PVT1: variants seen among roughly 807,000 people sequenced by gnomAD.
PVT1 encodes the protein CXCR4/PVT1 fusion.
chr8:128,089,088 T>C (rs1814314786), intron 5 of PVT1, among the ~76,000 whole-genome samples: 1 of 152,206 alleles, frequency 6.6e-6, no homozygotes, highest in Non-Finnish European at 1.5e-5. Context: ...AATTTACCCA[T>C]GGAAATGAGA....
intron 2 of PVT1, among the ~76,000 whole-genome samples, chr8:127,864,201 G>A (rs1377020389): frequency 1.3e-5 from 2 of 152,132 alleles, no homozygotes; most frequent in Non-Finnish European, 2.9e-5. Context: ...GGGTGAAGGG[G>A]TCAGGTCAAT....
At chr8:127,803,639 A>T (rs1397033983) in intron 2 of PVT1, 2 of 152,168 alleles carry the variant, frequency 1.3e-5, no homozygotes, top group Admixed American at 6.5e-5. Context: ...CTGTAATCCC[A>T]TCACTTTGGG....
At chr8:128,004,309 C>T (rs1268518978) in intron 4 of PVT1, among the ~76,000 whole-genome samples, 1 of 152,126 alleles carries the variant, frequency 6.6e-6, no homozygotes, top group East Asian at 1.9e-4. Context: ...AGTTTGTATA[C>T]AGTAGGTAAT....
At chr8:127,940,597 G>GGT (rs1816336854) in intron 3 of PVT1, 2 of 151,356 alleles carry the variant, frequency 1.3e-5, no homozygotes, top group African/African-American at 4.9e-5. Context: ...TTTTTGTGGG[G>GGT]GGGGGCGGTG....
chr8:127,949,499 G>A (rs113645013), intron 3 of PVT1, among the ~76,000 whole-genome samples: 3 of 150,016 alleles, frequency 2.0e-5, no homozygotes, highest in African/African-American at 7.4e-5. Context: ...AGGGAGCTCA[G>A]CCTCCCTTCA....
intron 3 of PVT1, among the ~76,000 whole-genome samples, chr8:127,965,609 C>T (rs1332476954): frequency 6.6e-6 from 1 of 152,210 alleles, no homozygotes; most frequent in Non-Finnish European, 1.5e-5. Context: ...CTTCCTTGTT[C>T]TCTCCACTCT....
chr8:127,989,488 T>A (rs1326007621), intron 4 of PVT1, among the ~76,000 whole-genome samples: 1 of 152,128 alleles, frequency 6.6e-6, no homozygotes, highest in East Asian at 1.9e-4. Flanking sequence ...TTATTCATTG[T>A]GCCTAGGAAG....
chr8:127,811,691 CTTTTCCT>C (rs1424065183), intron 2 of PVT1, among the ~76,000 whole-genome samples: 1 of 152,188 alleles, frequency 6.6e-6, no homozygotes, highest in East Asian at 1.9e-4. Flanking sequence ...TTCTTCTGTT[CTTTTCCT>C]TTTTCCTTTC....
chr8:128,083,574 C>G (rs1022787672), intron 5 of PVT1, among the ~76,000 whole-genome samples: 7 of 152,230 alleles, frequency 4.6e-5, no homozygotes, highest in African/African-American at 1.7e-4. Context: ...GCTGAAATAC[C>G]CAAACTTGCC....
intron 3 of PVT1, among the ~76,000 whole-genome samples, chr8:127,893,755 A>G (rs1221488270): frequency 6.6e-6 from 1 of 152,234 alleles, no homozygotes; most frequent in Non-Finnish European, 1.5e-5. Flanking sequence ...ACATTCATTC[A>G]TAGAGAAGCT....
chr8:127,989,416 T>C (rs1418388546), intron 4 of PVT1: 1 of 152,140 alleles, frequency 6.6e-6, no homozygotes, highest in African/African-American at 2.4e-5. Context: ...GCCGCTCCAA[T>C]GTGTTCGGGA....
chr8:127,992,971 G>T (rs1817060697), intron 4 of PVT1, among the ~76,000 whole-genome samples: 1 of 152,136 alleles, frequency 6.6e-6, no homozygotes, highest in Non-Finnish European at 1.5e-5. Flanking sequence ...CCTGTACTTG[G>T]TGTCCACAGG....
chr8:127,822,244 CTCAG>C (rs1410164898), intron 2 of PVT1, among the ~76,000 whole-genome samples: 1 of 152,178 alleles, frequency 6.6e-6, no homozygotes, highest in Non-Finnish European at 1.5e-5. Context: ...GATGGAAAGA[CTCAG>C]TCTGTCTGTG....
chr8:127,813,593 G>T (rs1307700105), intron 2 of PVT1, among the ~76,000 whole-genome samples: 1 of 152,150 alleles, frequency 6.6e-6, no homozygotes, highest in Admixed American at 6.6e-5. Flanking sequence ...CGTGTGGCTT[G>T]AACCTCAGCC....
chr8:127,813,652 C>T (rs528917277), intron 2 of PVT1, among the ~76,000 whole-genome samples: 18 of 152,276 alleles, frequency 1.2e-4, no homozygotes, highest in Admixed American at 5.9e-4. Flanking sequence ...CCTCAGTTCC[C>T]TCATCTGTAA....
intron 3 of PVT1, among the ~76,000 whole-genome samples, chr8:127,958,000 C>T (rs1816591531): frequency 6.6e-6 from 1 of 152,164 alleles, no homozygotes; most frequent in South Asian, 2.1e-4. Context: ...GCTGGGTGAT[C>T]AAAGCTGAGT....
chr8:127,946,970 G>A (rs897516025), intron 3 of PVT1: 4 of 152,064 alleles, frequency 2.6e-5, no homozygotes, highest in African/African-American at 9.7e-5. Context: ...GAACAGTCCC[G>A]TTCATTTATA....
chr8:128,033,187 A>G lies in PVT1; in HGVS notation n.913-36973A>G, dbSNP rs188460477. On this transcript the variant is annotated intron_variant and non_coding_transcript_variant, in intron 4 of 10. Transcript: ENST00000651587. The stretch of plus-strand genomic sequence containing the variant: ...GCACCTAGCAGTGACTGAATACCCA[A>G]CAATCCACTTAAGGAGATGAATGGT... Among the ~76,000 whole-genome samples, 9 of 152,350 alleles carry G rather than the reference A, an allele frequency of 5.9e-5. No individual in the cohort carries two copies. The East Asian group carries it at 1.7e-3, about 29-fold the overall frequency.
chr8:128,057,861 G>A (rs1813780153), intron 4 of PVT1, among the ~76,000 whole-genome samples: 1 of 152,188 alleles, frequency 6.6e-6, no homozygotes, highest in Non-Finnish European at 1.5e-5. Flanking sequence ...TTGTGAGTGA[G>A]GAAAAGAAAG....
Sources: allele counts gnomAD v4.1 joint callset (sites outside exome capture counted in the v4.1 genomes callset), GRCh38; gene constraint gnomAD v4.1.1; transcripts MANE v1.5; gene names NCBI Gene and HGNC (gene_info 2026-07-23, HGNC 2026-07-21).